The following ABCB5 variants were observed in gnomAD, a reference collection of about 807,000 sequenced individuals.
ABCB5 encodes the protein ATP-binding cassette sub-family B member 5.
In ABCB5, 155 loss-of-function variants were observed where a neutral mutation model predicts 144.2. The ratio of observed to expected loss-of-function variants is 1.08; its 90% CI spans 0.94 to 1.23. The LOEUF is 1.23. Among genes scored for constraint, ABCB5 ranks in the 50% most tolerant of loss-of-function variants. ABCB5 has a pLI of 0.00. For missense variants in ABCB5, 1,830 were observed against 1,520.8 expected (o/e 1.20, Z -3.38); for synonymous variants, 610 against 528.6 (o/e 1.15, Z -2.11).
chr7:20,640,637 C>T (rs1292547716), intron 5 of ABCB5, among the ~76,000 whole-genome samples: 1 of 152,102 alleles, frequency 6.6e-6, no homozygotes, highest in Middle Eastern at 3.2e-3. Flanking sequence ...AGTACAAGAG[C>T]TGAAACAAGA....
intron 14 of ABCB5, among the ~76,000 whole-genome samples, chr7:20,662,664 T>C (rs1785040337): frequency 6.6e-6 from 1 of 152,098 alleles, no homozygotes; most frequent in South Asian, 2.1e-4. Flanking sequence ...ACACACAGAC[T>C]ACCTCATGCA....
intron 16 of ABCB5, among the ~76,000 whole-genome samples, chr7:20,695,726 T>C (rs1002874835): frequency 6.6e-6 from 1 of 151,696 alleles, no homozygotes; most frequent in Non-Finnish European, 1.5e-5. Context: ...ATAATAAAAA[T>C]ACAAACAACC....
chr7:20,671,345 G>C (rs866641354), intron 14 of ABCB5, among the ~76,000 whole-genome samples: 2 of 152,086 alleles, frequency 1.3e-5, no homozygotes, highest in Admixed American at 6.5e-5. Context: ...AGGTTTCATT[G>C]AATATAAGAA....
intron 5 of ABCB5, among the ~76,000 whole-genome samples, chr7:20,634,823 A>G (rs1017872463): frequency 5.3e-5 from 8 of 151,990 alleles, no homozygotes; most frequent in Non-Finnish European, 8.8e-5. Flanking sequence ...TGTTGGTTGC[A>G]TAGTTGGCAA....
At chr7:20,740,199 C>G (rs1782519358) in intron 24 of ABCB5, among the ~76,000 whole-genome samples, 1 of 152,196 alleles carries the variant, frequency 6.6e-6, no homozygotes, top group African/African-American at 2.4e-5. Context: ...GAGATCACGC[C>G]ACTGCACCCC....
At chr7:20,657,728 T>C (rs917896316) in intron 13 of ABCB5, among the ~76,000 whole-genome samples, 1 of 152,224 alleles carries the variant, frequency 6.6e-6, no homozygotes, top group Non-Finnish European at 1.5e-5. Flanking sequence ...TCAATACTCA[T>C]AGACTTATAT....
chr7:20,666,036 G>T (rs1437193676), intron 14 of ABCB5, among the ~76,000 whole-genome samples: 1 of 152,022 alleles, frequency 6.6e-6, no homozygotes, highest in Non-Finnish European at 1.5e-5. Context: ...CGGGCGTGGT[G>T]GCACATGCGT....
chr7:20,686,529 T>C (rs1786006644), intron 16 of ABCB5, among the ~76,000 whole-genome samples: 1 of 152,092 alleles, frequency 6.6e-6, no homozygotes, highest in Non-Finnish European at 1.5e-5. Flanking sequence ...CAGCACCCTT[T>C]TACAACACAC....
rs151287364 is a variant in ABCB5 at position 20,645,774 on chromosome 7, A to C, written c.697A>C (p.Ser233Arg). The change falls in exon 8 of 28, where the codon AGT becomes CGT. Residue 233 changes from serine (S) to arginine (R), a missense_variant. By Grantham distance (110) the Ser-to-Arg change is moderately radical. Transcript: ENST00000404938. The stretch of plus-strand genomic sequence containing the variant: ...ATTACAGATGGTCATCTCATTGACC[A>C]GTAAGGAATTAAGTGCCTATTCCAA... ...ACSRMVISLT[S>R]KELSAYSKAG... is the part of the protein sequence containing the mutation. The C allele has an allele frequency of 9.1e-5, 147 of 1,613,824 alleles. 3 individuals are homozygous for C. The East Asian group carries it at 1.6e-3, about 18-fold the overall frequency.
rs57305244 is a variant in ABCB5 at position 20,731,369 on chromosome 7, A to AAAAAAAAAAAAAATATAT, written c.2867+2915_2867+2916insAAAAAAAAAAAATATATA. On this transcript the variant is annotated intron_variant, in intron 23 of 27. Coordinates refer to ENST00000404938, the MANE Select transcript of ABCB5 (RefSeq NM_001163941.2). ...CTCCAACTCAGGAAAAAAAAAAAAA[A>AAAAAAAAAAAAAATATAT]ATATATATATATATATACATATAAA... Among the ~76,000 whole-genome samples, 573 of 122,918 alleles carry AAAAAAAAAAAAAATATAT rather than the reference A, an allele frequency of 4.7e-3. 13 individuals are homozygous for AAAAAAAAAAAAAATATAT. Among genetic ancestry groups the AAAAAAAAAAAAAATATAT allele is most frequent in the African/African-American group, 0.018 (545 of 30,290 alleles). The allele number at this position is 122,918 out of a possible 152,430, so 80.6% of individuals were successfully genotyped here.
intron 1 of ABCB5, among the ~76,000 whole-genome samples, chr7:20,619,064 C>T (rs1437751209): frequency 6.6e-6 from 1 of 152,070 alleles, no homozygotes; most frequent in East Asian, 1.9e-4. Flanking sequence ...CTTGAGCCAC[C>T]ATGCCCAGCC....
chr7:20,654,465 A>T (rs944835824), intron 13 of ABCB5, among the ~76,000 whole-genome samples: 3 of 152,204 alleles, frequency 2.0e-5, no homozygotes, highest in African/African-American at 7.2e-5. Context: ...AATATCAGTA[A>T]GAATATAGAT....
rs745331829 is a variant in ABCB5 at position 20,699,916 on chromosome 7, G to C, written c.2246G>C (p.Ser749Thr). The C allele has an allele frequency of 6.2e-7, 1 of 1,611,908 alleles. No individual in the cohort carries two copies. Among genetic ancestry groups the C allele is most frequent in the Admixed American group, 1.7e-5 (1 of 59,884 alleles). ...ATTTTGGGTGTTATTTGCTTTGTCA[G>C]TTATTTCATGCAGGTAAGCTTTTAA... is the stretch of plus-strand genomic sequence containing the variant. Reference protein sequence around the residue: ...FVILGVICFVSYFMQGLFYGR... With the variant: ...FVILGVICFVTYFMQGLFYGR... The change falls in exon 18 of 28, where the codon AGT (serine) becomes ACT (threonine). Residue 749 changes from serine to threonine, a missense_variant. Ser to Thr is a moderately conservative substitution (Grantham distance 58, BLOSUM62 1). Transcript: ENST00000404938.
Position 20,756,747 on chromosome 7 carries a change from A to G in ABCB5, c.*1123A>G, listed in dbSNP as rs1431551854. The G allele has an allele frequency of 6.6e-6, 1 of 152,216 alleles. No homozygotes were observed. The highest frequency in any genetic ancestry group is 1.5e-5 in the Non-Finnish European group (1 of 68,042). The allele number at this position is 152,216 out of a possible 1,614,324, so 9.4% of individuals were successfully genotyped here. A position where few individuals can be genotyped will look rare whatever the true frequency, so the allele number is the denominator to read the frequency against. ...AAATTTTATATATACTTTATCATATATAATGTGTGAATGATTTTAAAGTTC... is the reference window on the plus strand; with the variant it reads ...AAATTTTATATATACTTTATCATATGTAATGTGTGAATGATTTTAAAGTTC... On this transcript the variant is annotated 3_prime_UTR_variant, in exon 28 of 28. Transcript: ENST00000404938.
intron 17 of ABCB5, among the ~76,000 whole-genome samples, chr7:20,699,325 A>G (rs1786526792): frequency 6.6e-6 from 1 of 152,208 alleles, no homozygotes; most frequent in Non-Finnish European, 1.5e-5. Flanking sequence ...GTTATTTTTT[A>G]TCATAGATAA....
At chr7:20,645,358 C>T (rs534297743) in intron 7 of ABCB5, among the ~76,000 whole-genome samples, 1 of 152,292 alleles carries the variant, frequency 6.6e-6, no homozygotes, top group South Asian at 2.1e-4. Context: ...AAAATCAGCT[C>T]CTATTATGTG....
chr7:20,677,017 T>A (rs148749898), intron 14 of ABCB5, among the ~76,000 whole-genome samples: 6 of 152,330 alleles, frequency 3.9e-5, no homozygotes, highest in Non-Finnish European at 8.8e-5. Flanking sequence ...TGTAGTTAAT[T>A]ACCTTGTAAT....
chr7:20,627,194 T>C (rs1783928654), intron 3 of ABCB5, among the ~76,000 whole-genome samples: 1 of 152,122 alleles, frequency 6.6e-6, no homozygotes, highest in South Asian at 2.1e-4. Context: ...TGGCTGTCAA[T>C]GTTATGTCCC....
intron 14 of ABCB5, among the ~76,000 whole-genome samples, chr7:20,668,595 G>GGT (rs1554282729): frequency 6.7e-6 from 1 of 149,518 alleles, no homozygotes; most frequent in Admixed American, 6.6e-5. Context: ...GGAGGTGGGG[G>GGT]GGGGGGTCAG....
Sources: allele counts gnomAD v4.1 joint callset (sites outside exome capture counted in the v4.1 genomes callset), GRCh38; gene constraint gnomAD v4.1.1; transcripts MANE v1.5; gene names NCBI Gene and HGNC (gene_info 2026-07-23, HGNC 2026-07-21).